The following RCOR1 variants were observed in gnomAD, a reference collection of about 807,000 sequenced individuals.
The protein encoded by RCOR1 is REST corepressor.
RCOR1 carries 12 observed loss-of-function variants against 64.0 expected under a neutral mutation model. The observed-to-expected ratio is 0.19, with a 90% CI of 0.12 to 0.30. RCOR1 has a LOEUF of 0.30. RCOR1 is among the 10% of genes least tolerant of loss of function. The pLI is 1.00. For missense variants in RCOR1, 502 were observed against 621.2 expected, an observed-to-expected ratio of 0.81 and a Z score of 2.04; for synonymous variants, 279 against 227.2, an observed-to-expected ratio of 1.23 and a Z score of -2.05.
intron 2 of RCOR1, among the ~76,000 whole-genome samples, chr14:102,671,382 T>A (rs1436045223): frequency 6.6e-6 from 1 of 152,058 alleles, no homozygotes; most frequent in Non-Finnish European, 1.5e-5. Flanking sequence ...CCAGTTAGTT[T>A]CTGTGTTTTG....
At position 102,712,947 on chromosome 14, in the gene RCOR1, G is replaced by GTTT. The variant is rs67246962; in HGVS notation, c.859-1454_859-1452dup. Among the ~76,000 whole-genome samples the GTTT allele has an allele frequency of 4.4e-3, 345 of 77,694 alleles. 9 individuals are homozygous for GTTT. Among genetic ancestry groups the GTTT allele is most frequent in the East Asian group, 5.2e-3 (12 of 2,310 alleles). 51.0% of individuals were successfully genotyped at this position (77,694 alleles called of 152,430 possible). On this transcript the variant is annotated intron_variant, in intron 7 of 11. Transcript: ENST00000262241. ...TCAGAAAGAAAATGGCTAAATCATT[G>GTTT]TTTTTTTTTTTTTTTTTTTTTTTTG...
intron 2 of RCOR1, among the ~76,000 whole-genome samples, chr14:102,601,338 A>G (rs183586444): frequency 0.01 from 1,543 of 152,262 alleles, 16 homozygotes; most frequent in Admixed American, 0.015. Flanking sequence ...ACTAGGCAAT[A>G]TTTGCTTCAG....
chr14:102,638,183 C>T (rs1894286365), intron 2 of RCOR1, among the ~76,000 whole-genome samples: 1 of 152,138 alleles, frequency 6.6e-6, no homozygotes, highest in Non-Finnish European at 1.5e-5. Context: ...AGTCCAAGGA[C>T]ATTATCAACT....
intron 2 of RCOR1, among the ~76,000 whole-genome samples, chr14:102,629,010 C>T (rs894179844): frequency 6.6e-6 from 1 of 152,080 alleles, no homozygotes; most frequent in African/African-American, 2.4e-5. Flanking sequence ...CCCACCTCAG[C>T]CCCTCCCCAA....
chr14:102,655,301 G>T, intron 2 of RCOR1: 1 of 984,830 alleles, frequency 1.0e-6, no homozygotes, highest in Non-Finnish European at 1.2e-6. Context: ...CAAGGATTCT[G>T]TTTAAATACT....
At chr14:102,609,609 T>C (rs1567406394) in intron 2 of RCOR1, among the ~76,000 whole-genome samples, 1 of 151,704 alleles carries the variant, frequency 6.6e-6, no homozygotes, top group Non-Finnish European at 1.5e-5. Flanking sequence ...GTGGCTAATT[T>C]TTTTTTTGTA....
At chr14:102,672,209 A>G (rs561890092) in intron 2 of RCOR1, among the ~76,000 whole-genome samples, 8 of 152,022 alleles carry the variant, frequency 5.3e-5, no homozygotes, top group African/African-American at 1.7e-4. Flanking sequence ...TCTGGGTTAT[A>G]TGATAATTTT....
At chr14:102,639,264 C>CTTTTTTTTTTTTTTTT (rs11306200) in intron 2 of RCOR1, among the ~76,000 whole-genome samples, 1 of 125,562 alleles carries the variant, frequency 8.0e-6, no homozygotes, top group Non-Finnish European at 1.7e-5. Context: ...TTCTTTCTTT[C>CTTTTTTTTTTTTTTTT]TTTTTTTTTT....
intron 2 of RCOR1, among the ~76,000 whole-genome samples, chr14:102,634,385 C>T (rs1418529786): frequency 6.6e-6 from 1 of 151,800 alleles, no homozygotes; most frequent in Non-Finnish European, 1.5e-5. Flanking sequence ...AAAAACCAAC[C>T]AACCAACCAA....
chr14:102,599,221 G>A (rs963553568), intron 2 of RCOR1, among the ~76,000 whole-genome samples: 5 of 151,758 alleles, frequency 3.3e-5, no homozygotes, highest in East Asian at 1.9e-4. Context: ...CCTCCTGGGC[G>A]CACACTATCC....
At chr14:102,608,004 C>G (rs377349446) in intron 2 of RCOR1, among the ~76,000 whole-genome samples, 1 of 151,874 alleles carries the variant, frequency 6.6e-6, no homozygotes, top group Non-Finnish European at 1.5e-5. Context: ...TGCCATCAGC[C>G]GAGATCACGC....
intron 2 of RCOR1, among the ~76,000 whole-genome samples, chr14:102,668,152 G>C (rs1894953984): frequency 6.6e-6 from 1 of 152,162 alleles, no homozygotes; most frequent in African/African-American, 2.4e-5. Flanking sequence ...TCATGTGGCT[G>C]TTTAATTCCT....
Position 102,726,751 on chromosome 14 carries a change from C to T in RCOR1, c.*245C>T, listed in dbSNP as rs1467288886. The T allele has an allele frequency of 1.8e-5, 9 of 499,662 alleles. No individual in the cohort carries two copies. The Middle Eastern group carries it at 2.0e-3, about 110-fold the overall frequency. 31.0% of individuals were successfully genotyped at this position (499,662 alleles called of 1,614,324 possible). A position where few individuals can be genotyped will look rare whatever the true frequency, so the allele number is the denominator to read the frequency against. On this transcript the variant is annotated 3_prime_UTR_variant, in exon 12 of 12. Transcript: ENST00000262241. ...CTGCCCACGTGCTGGGGAAGTCTCA[C>T]GGCCTGCACATCTCTTGTGACTCTG... is the stretch of plus-strand genomic sequence containing the variant.
At chr14:102,642,897 G>A (rs995328662) in intron 2 of RCOR1, among the ~76,000 whole-genome samples, 1 of 152,110 alleles carries the variant, frequency 6.6e-6, no homozygotes, top group African/African-American at 2.4e-5. Flanking sequence ...ACACAGTATA[G>A]GAGGGATCAG....
At chr14:102,633,126 T>C (rs1894163848) in intron 2 of RCOR1, among the ~76,000 whole-genome samples, 1 of 151,398 alleles carries the variant, frequency 6.6e-6, no homozygotes, top group Non-Finnish European at 1.5e-5. Flanking sequence ...TTTCAACCTA[T>C]ATGCTGACCT....
At chr14:102,621,642 T>C (rs1005161426) in intron 2 of RCOR1, among the ~76,000 whole-genome samples, 1 of 152,168 alleles carries the variant, frequency 6.6e-6, no homozygotes, top group Non-Finnish European at 1.5e-5. Flanking sequence ...GAATATAAGC[T>C]CAACAAGGGT....
intron 10 of RCOR1, 125 bp from the exon 11 acceptor site, chr14:102,722,062 G>A (rs1307859375): frequency 8.6e-6 from 6 of 701,490 alleles, no homozygotes; most frequent in South Asian, 5.8e-5. Context: ...AATAATACAC[G>A]AAATTATTGC....
chr14:102,691,104 C>T (rs182599050), intron 3 of RCOR1, among the ~76,000 whole-genome samples: 6 of 152,274 alleles, frequency 3.9e-5, no homozygotes, highest in East Asian at 3.9e-4. Context: ...CAGGCACTGG[C>T]GAAATACACG....
intron 2 of RCOR1, among the ~76,000 whole-genome samples, chr14:102,677,434 A>G (rs1182822648): frequency 2.3e-5 from 3 of 133,078 alleles, no homozygotes; most frequent in Non-Finnish European, 4.8e-5. Context: ...GGGGCTCCTC[A>G]CTTCTCAGAC....
Sources: allele counts gnomAD v4.1 joint callset (sites outside exome capture counted in the v4.1 genomes callset), GRCh38; gene constraint gnomAD v4.1.1; transcripts MANE v1.5; gene names NCBI Gene and HGNC (gene_info 2026-07-23, HGNC 2026-07-21).